Variants in SLC34A1 observed in about 807,000 individuals in gnomAD.
SLC34A1 encodes the protein solute carrier family 34 member 1.
Under a neutral mutation model 51.4 loss-of-function variants are expected in SLC34A1, and 57 were observed. The ratio of observed to expected loss-of-function variants is 1.11; its 90% confidence interval spans 0.90 to 1.38. The LOEUF (loss-of-function observed/expected upper bound fraction) is 1.38. SLC34A1 is among the 40% of genes most tolerant of loss of function. The pLI is 0.00. For synonymous variants in SLC34A1, 368 were observed against 358.0 expected (o/e 1.03, Z -0.32); for missense variants, 796 against 835.6 (o/e 0.95, Z 0.58).
Position 177,396,764 on chromosome 5 carries a change from C to G in SLC34A1, c.1206C>G (p.Gly402=). The G allele has an allele frequency of 6.2e-7, 1 of 1,614,262 alleles. No individual in the cohort carries two copies. The highest frequency in any genetic ancestry group is 1.1e-5 in the South Asian group (1 of 91,086). ...CTGCCCCCTTCACCTGGGTCACAGG[C>G]TACTTTGCCATGGTGGTGGGCGCCA... is the stretch of plus-strand genomic sequence containing the variant. The part of the protein sequence containing the change: ...DFPAPFTWVT[G]YFAMVVGASM... Residue 402 remains glycine (G), a synonymous_variant, in exon 11 of 13, where the codon GGC becomes GGG. Transcript: ENST00000324417. The surrounding 1 kb of genome is among the most constrained non-coding windows in gnomAD (Gnocchi z 4.0).
Position 177,396,425 on chromosome 5 carries a change from C to T in SLC34A1, c.1175-308C>T, listed in dbSNP as rs996153574. Among the ~76,000 whole-genome samples the T allele has an allele frequency of 5.9e-5, 9 of 151,266 alleles. No homozygotes were observed. The highest frequency in any genetic ancestry group is 1.0e-4 in the Non-Finnish European group (7 of 67,820). On this transcript the variant is annotated intron_variant, in intron 10 of 12. Coordinates refer to ENST00000324417, the MANE Select transcript of SLC34A1 (RefSeq NM_003052.5). The surrounding 1 kb of genome is among the most constrained non-coding windows in gnomAD (Gnocchi z 4.0). The stretch of plus-strand genomic sequence containing the variant: ...GAGGTCGTCTCTCCCAGTGCCCCCG[C>T]GGAGATCCGCTCTCCCAGTGCCCCC...
In SLC34A1 at chr5:177,386,340, C is replaced by A; in HGVS notation, c.379C>A (p.Leu127Met). 6.2e-7 allele frequency: 1 copy of A among 1,614,288 alleles called. No homozygotes were observed. The highest frequency in any genetic ancestry group is 8.5e-7 in the Non-Finnish European group (1 of 1,180,052). The change falls in exon 4 of 13, where the codon CTG becomes ATG. Residue 127 changes from leucine (L) to methionine (M), a missense_variant. Leu to Met is a conservative substitution (Grantham distance 15). Transcript: ENST00000324417. The surrounding 1 kb of genome is among the most constrained non-coding windows in gnomAD (Gnocchi z 4.8). ...SLDMLSSAFQ[L>M]AGGKVAGDIF... Reference sequence around the variant, plus strand: ...GGACATGCTCAGCTCGGCCTTCCAGCTGGCTGGAGGTAGGGCCCGGGTGGA... The same window carrying A: ...GGACATGCTCAGCTCGGCCTTCCAGATGGCTGGAGGTAGGGCCCGGGTGGA...
Position 177,394,096 on chromosome 5 carries a change from C to G in SLC34A1, c.1075C>G (p.Leu359Val). ...AVGLILLAGS[L>V]VLLCTCLILL... ...GGGGCTCATCCTGCTGGCAGGATCC[C>G]TGGTGCTGCTGTGCACCTGCCTCAT... Residue 359 changes from leucine to valine, a missense_variant, in exon 10 of 13, where the codon CTG (leucine) becomes GTG (valine). Coordinates refer to ENST00000324417, the MANE Select transcript of SLC34A1 (RefSeq NM_003052.5). 1 of 1,614,062 alleles carries G rather than the reference C, an allele frequency of 6.2e-7. No homozygotes were observed. The highest frequency in any genetic ancestry group is 2.2e-5 in the East Asian group (1 of 44,892).
At chr5:177,387,385 A>T (rs748310410) in intron 5 of SLC34A1, among the ~76,000 whole-genome samples, 3 of 152,058 alleles carry the variant, frequency 2.0e-5, no homozygotes, top group Non-Finnish European at 4.4e-5. Flanking sequence ...ACAGAGCGAG[A>T]CTCTGTCTCA....
In SLC34A1 at chr5:177,396,995, G is replaced by A. The variant is rs755715002; in HGVS notation, c.1337G>A (p.Gly446Asp). 4 of 1,614,060 alleles carry A rather than the reference G, an allele frequency of 2.5e-6. No homozygotes were observed. The highest frequency in any genetic ancestry group is 4.5e-5 in the East Asian group (2 of 44,898). ...GAGAGGGCCTACCCGCTCACACTGG[G>A]TTCCAACATCGGCACCACCACCACG... ...SIERAYPLTL[G>D]SNIGTTTTAI... Residue 446 changes from glycine (G) to aspartate (D), a missense_variant, in exon 12 of 13, where the codon GGT becomes GAT. Physicochemically the swap from Gly to Asp is moderately conservative, Grantham distance 94 (BLOSUM62 -1). Transcript: ENST00000324417. The surrounding 1 kb of genome is among the most constrained non-coding windows in gnomAD (Gnocchi z 4.0).
chr5:177,395,130 C>G (rs1762919311), intron 10 of SLC34A1, among the ~76,000 whole-genome samples: 1 of 151,626 alleles, frequency 6.6e-6, no homozygotes, highest in South Asian at 2.1e-4. Flanking sequence ...TATGATGGCA[C>G]CACTGCACTC....
chr5:177,385,542 G>A (rs1257784717), intron 1 of SLC34A1, among the ~76,000 whole-genome samples, 153 bp from the exon 2 acceptor site: 1 of 151,892 alleles, frequency 6.6e-6, no homozygotes, highest in African/African-American at 2.4e-5. Flanking sequence ...CTGGGTGTGT[G>A]TTTGTGCGTG....
intron 8 of SLC34A1, among the ~76,000 whole-genome samples, chr5:177,392,801 G>C (rs897535823): frequency 6.6e-6 from 1 of 152,250 alleles, no homozygotes; most frequent in South Asian, 2.1e-4. Flanking sequence ...TCTTTGTGGA[G>C]ACAAGGTCTT....
intron 8 of SLC34A1, chr5:177,390,429 G>A (rs1348235969): frequency 8.3e-6 from 8 of 960,368 alleles, no homozygotes; most frequent in Admixed American, 6.2e-5. Context: ...TTTTACAGAC[G>A]AGGAGCACTG....
intron 8 of SLC34A1, chr5:177,389,539 G>C: frequency 6.8e-7 from 1 of 1,463,060 alleles, no homozygotes; most frequent in African/African-American, 1.4e-5. Flanking sequence ...CAGCTTTTAC[G>C]CTGACTTCAT....
Position 177,396,764 on chromosome 5 carries a change from C to CT in SLC34A1, c.1207dup (p.Tyr403LeufsTer36). 3 of 1,614,262 alleles carry CT rather than the reference C, an allele frequency of 1.9e-6. No individual in the cohort carries two copies. Among genetic ancestry groups the CT allele is most frequent in the Non-Finnish European group, 2.5e-6 (3 of 1,180,052 alleles). The stretch of plus-strand genomic sequence containing the variant: ...CTGCCCCCTTCACCTGGGTCACAGG[C>CT]TACTTTGCCATGGTGGTGGGCGCCA... On this transcript the variant is annotated frameshift_variant, in exon 11 of 13. Coordinates refer to ENST00000324417, the MANE Select transcript of SLC34A1 (RefSeq NM_003052.5). LOFTEE classifies it high-confidence loss of function. This position sits in a 1 kb window ranked among gnomAD's most constrained non-coding sequence, Gnocchi z 4.0.
At position 177,396,817 on chromosome 5, in the gene SLC34A1, C is replaced by T. The variant is rs1561635062; in HGVS notation, c.1259C>T (p.Ser420Phe). ...ASMTFVVQSS[S>F]VFTSAITPLI... ...ATGACCTTCGTGGTCCAGAGCAGTT[C>T]TGTGTTCACCTCGGCCATCACCCCA... is the stretch of plus-strand genomic sequence containing the variant. The change falls in exon 11 of 13, where the codon TCT (serine) becomes TTT (phenylalanine). Residue 420 changes from serine (S) to phenylalanine (F), a missense_variant. Physicochemically the swap from Ser to Phe is radical, Grantham distance 155. Coordinates refer to ENST00000324417, the MANE Select transcript of SLC34A1 (RefSeq NM_003052.5). This position sits in a 1 kb window ranked among gnomAD's most constrained non-coding sequence, Gnocchi z 4.0. 6.2e-6 allele frequency: 10 copies of T among 1,614,242 alleles called. No homozygotes were observed. Among genetic ancestry groups the T allele is most frequent in the Non-Finnish European group, 8.5e-6 (10 of 1,180,052 alleles).
intron 8 of SLC34A1, among the ~76,000 whole-genome samples, chr5:177,392,356 G>A (rs58728402): frequency 0.026 from 4,034 of 152,234 alleles, 177 homozygotes; most frequent in African/African-American, 0.091. Flanking sequence ...CTAGCTACTC[G>A]GGAGGTGGAA....
rs1763040921 is a variant in SLC34A1, at chr5:177,398,348, A to T, written c.*62A>T. The T allele has an allele frequency of 5.0e-6, 8 of 1,585,474 alleles. No individual in the cohort carries two copies. Among genetic ancestry groups the T allele is most frequent in the Non-Finnish European group, 6.8e-6 (8 of 1,169,294 alleles). On this transcript the variant is annotated 3_prime_UTR_variant, in exon 13 of 13. Transcript: ENST00000324417. The surrounding 1 kb of genome is among the most constrained non-coding windows in gnomAD (Gnocchi z 4.7). ...CCTGGGGTGGAAAGGCAGGGGAGGG[A>T]GGGTGTGTGTAGGTATGTGCATGTG...
In SLC34A1 at chr5:177,389,569, C is replaced by G. The variant is rs147497989; in HGVS notation, c.936+1197C>G. ...CTTCATGACCTCTTTAATACATCAACCACTTTCTCACGAGCTCTCTGAGCA... is the reference window on the plus strand; with the variant it reads ...CTTCATGACCTCTTTAATACATCAAGCACTTTCTCACGAGCTCTCTGAGCA... On this transcript the variant is annotated intron_variant, in intron 8 of 12. Coordinates refer to ENST00000324417, the MANE Select transcript of SLC34A1 (RefSeq NM_003052.5). 6 of 1,531,942 alleles carry G rather than the reference C, an allele frequency of 3.9e-6. No individual in the cohort carries two copies. In the East Asian group the frequency reaches 1.2e-4, roughly 31 times the overall value. 94.9% of individuals were successfully genotyped at this position (1,531,942 alleles called of 1,614,324 possible). A position where few individuals can be genotyped will look rare whatever the true frequency, so the allele number is the denominator to read the frequency against.
Position 177,398,184 on chromosome 5 carries a change from C to T in SLC34A1, c.1818C>T (p.Arg606=), listed in dbSNP as rs1282489421. ...ATLCCARPEP[R]SPPLPPRVFL... ...TATGCTGTGCCAGGCCTGAGCCCCG[C>T]TCACCCCCGCTGCCCCCCAGGGTCT... Residue 606 remains arginine (R), a synonymous_variant, in exon 13 of 13, where the codon CGC becomes CGT. Transcript: ENST00000324417. The surrounding 1 kb of genome is among the most constrained non-coding windows in gnomAD (Gnocchi z 4.7). The T allele has an allele frequency of 1.2e-6, 2 of 1,611,164 alleles. No homozygotes were observed. The highest frequency in any genetic ancestry group is 3.3e-5 in the Admixed American group (2 of 59,996).
intron 9 of SLC34A1, 57 bp from the exon 10 acceptor site, chr5:177,393,971 G>A (rs1246290549): frequency 1.7e-5 from 28 of 1,610,330 alleles, no homozygotes; most frequent in Non-Finnish European, 2.3e-5. Context: ...GGGTGGCAAA[G>A]GTGGGGACCT....
At chr5:177,391,385 T>C (rs1411407163) in intron 8 of SLC34A1, among the ~76,000 whole-genome samples, 1 of 152,236 alleles carries the variant, frequency 6.6e-6, no homozygotes, top group Non-Finnish European at 1.5e-5. Flanking sequence ...TTGGCCCTGC[T>C]GCTGCCTCTG....
chr5:177,387,628 C>T (rs1284019070), intron 5 of SLC34A1, 134 bp from the exon 6 acceptor site: 11 of 780,226 alleles, frequency 1.4e-5, no homozygotes, highest in Admixed American at 5.8e-5. Context: ...GTGACGCCAA[C>T]GTTAGGCAGA....
Sources: gnomAD v4.1 joint callset for allele counts (sites outside exome capture counted in the v4.1 genomes callset) on GRCh38, gnomAD v4.1.1 for gene constraint, Gnocchi (gnomAD v3.1) non-coding constraint, MANE v1.5 for transcripts, NCBI Gene and HGNC (gene_info 2026-07-23, HGNC 2026-07-21) for gene names.